LZTFL1: variants seen among roughly 807,000 people sequenced by gnomAD.
LZTFL1 encodes the protein leucine zipper transcription factor-like protein 1.
A neutral mutation model predicts 45.9 loss-of-function variants in LZTFL1; 25 were observed. The ratio of observed to expected loss-of-function variants is 0.54; its 90% CI spans 0.40 to 0.76. The LOEUF (loss-of-function observed/expected upper bound fraction) is 0.76. Among genes scored for constraint, LZTFL1 ranks in the 30% least tolerant of loss-of-function variants. The probability of loss-of-function intolerance (pLI) is 0.00; values close to 1 mark genes in which losing one functional copy is unlikely to be tolerated. For missense variants in LZTFL1, 277 were observed against 331.1 expected, an observed-to-expected ratio of 0.84 and a Z score of 1.27; for synonymous variants, 93 against 117.4, an observed-to-expected ratio of 0.79 and a Z score of 1.35.
intron 2 of LZTFL1, chr3:45,902,008 G>A (rs1702576498): frequency 1.1e-6 from 1 of 911,176 alleles, no homozygotes; most frequent in African/African-American, 1.7e-5. Context: ...ACTCAGAAAG[G>A]GATGAATCTG....
intron 3 of LZTFL1, among the ~76,000 whole-genome samples, chr3:45,857,364 G>A (rs1701409853): frequency 6.6e-6 from 1 of 152,174 alleles, no homozygotes; most frequent in African/African-American, 2.4e-5. Context: ...ACTGGGGCCT[G>A]TCGGTGGTGA....
chr3:45,872,350 G>A lies in LZTFL1; in HGVS notation c.-214-13334C>T, dbSNP rs183506913. 9.3e-4 allele frequency among the ~76,000 whole-genome samples: 141 copies of A among 152,262 alleles called. 1 individual carries two copies. Among genetic ancestry groups the A allele is most frequent in the African/African-American group, 3.3e-3 (138 of 41,558 alleles). On this transcript the variant is annotated intron_variant, in intron 2 of 4. Coordinates refer to the LZTFL1 transcript ENST00000472635. ...CCATTTAAGCTTTTGTTTAAATAGT[G>A]TTTTAAAAGATTGGCAAGGGAGAGG...
chr3:45,840,521 T>C (rs1336731378), intron 1 of LZTFL1, among the ~76,000 whole-genome samples: 1 of 152,168 alleles, frequency 6.6e-6, no homozygotes, highest in Non-Finnish European at 1.5e-5. Flanking sequence ...AAATGAGAGG[T>C]AGATATGATG....
chr3:45,887,213 G>A (rs1408955108), intron 2 of LZTFL1, among the ~76,000 whole-genome samples: 2 of 151,932 alleles, frequency 1.3e-5, no homozygotes, highest in Non-Finnish European at 2.9e-5. Context: ...AAGATTATAT[G>A]TGTAGTCTGA....
chr3:45,828,736 G>T, intron 7 of LZTFL1, 121 bp from the exon 8 acceptor site: 1 of 842,332 alleles, frequency 1.2e-6, no homozygotes, highest in Non-Finnish European at 1.8e-6. Flanking sequence ...GTGCATGCCA[G>T]CCTCCCTTGC....
intron 3 of LZTFL1, among the ~76,000 whole-genome samples, chr3:45,856,172 T>C (rs1427280974): frequency 6.6e-6 from 1 of 152,242 alleles, no homozygotes; most frequent in Non-Finnish European, 1.5e-5. Context: ...AGCATGGTAC[T>C]GGTACAAAAC....
At chr3:45,885,598 T>C (rs1175045426) in intron 2 of LZTFL1, among the ~76,000 whole-genome samples, 2 of 152,206 alleles carry the variant, frequency 1.3e-5, no homozygotes, top group African/African-American at 4.8e-5. Context: ...TGCCTTTCAA[T>C]AGCACTGTTG....
intron 2 of LZTFL1, among the ~76,000 whole-genome samples, chr3:45,871,630 C>A (rs533803176): frequency 6.6e-6 from 1 of 151,938 alleles, no homozygotes; most frequent in African/African-American, 2.4e-5. Context: ...AAAGCAATGG[C>A]TTGCATAGAA....
At chr3:45,827,321 G>A (rs144436112) in intron 9 of LZTFL1, 35 bp downstream of exon 9, 2 of 1,432,824 alleles carry the variant, frequency 1.4e-6, no homozygotes, top group Admixed American at 1.7e-5. Flanking sequence ...TCAATCCAGA[G>A]AGAGAAATCC....
intron 2 of LZTFL1, chr3:45,913,024 C>T: frequency 8.2e-7 from 1 of 1,223,066 alleles, no homozygotes; most frequent in Non-Finnish European, 1.1e-6. Context: ...AATCTAAATT[C>T]AAGTAAAATG....
chr3:45,824,953 T>C lies in LZTFL1; in HGVS notation c.*1361A>G, dbSNP rs1270350264. 1 of 398,222 alleles carries C rather than the reference T, an allele frequency of 2.5e-6. No individual in the cohort carries two copies. Among genetic ancestry groups the C allele is most frequent in the African/African-American group, 2.1e-5 (1 of 48,620 alleles). 24.7% of individuals were successfully genotyped at this position (398,222 alleles called of 1,614,324 possible). ...TTTATTCTCTCCCTTCTCTCATCCA[T>C]TCATCTTCTTAAGACTGCCTTCTGT... On this transcript the variant is annotated 3_prime_UTR_variant, in exon 10 of 10. Transcript: ENST00000296135.
intron 2 of LZTFL1, chr3:45,897,461 C>T: frequency 1.3e-6 from 1 of 757,388 alleles, no homozygotes; most frequent in Admixed American, 2.0e-5. Context: ...GGGATTCAGT[C>T]TTGGGAGTGT....
At chr3:45,827,506 A>G in intron 8 of LZTFL1, 47 bp from the exon 9 acceptor site, 1 of 1,155,042 alleles carries the variant, frequency 8.7e-7, no homozygotes, top group Non-Finnish European at 1.3e-6. Flanking sequence ...ATAGTTAAGG[A>G]AAGAGATAAC....
intron 2 of LZTFL1, 93 bp downstream of exon 2, chr3:45,837,834 G>A (rs1209863383): frequency 3.7e-6 from 5 of 1,354,252 alleles, no homozygotes; most frequent in East Asian, 4.9e-5. Context: ...ATGAATCCCA[G>A]AAATTGTCTG....
chr3:45,890,688 G>A (rs1036596835), intron 2 of LZTFL1, among the ~76,000 whole-genome samples: 1 of 151,940 alleles, frequency 6.6e-6, no homozygotes, highest in Non-Finnish European at 1.5e-5. Context: ...TTGGTTCTTC[G>A]GCTTAGGAGG....
chr3:45,842,983 C>T (rs1701156816), upstream of LZTFL1, among the ~76,000 whole-genome samples: 1 of 152,204 alleles, frequency 6.6e-6, no homozygotes, highest in Non-Finnish European at 1.5e-5. Context: ...AGGCATTTGC[C>T]CACAGAAGGA....
At chr3:45,867,567 G>C (rs1415200420) in intron 2 of LZTFL1, among the ~76,000 whole-genome samples, 1 of 152,182 alleles carries the variant, frequency 6.6e-6, no homozygotes, top group Non-Finnish European at 1.5e-5. Context: ...TCTTAGGCTG[G>C]GCACCGTGGC....
rs746310129 is a variant in LZTFL1, at chr3:45,900,863, G to T, written c.-215+12257C>A. 6.2e-7 allele frequency: 1 copy of T among 1,614,056 alleles called. No homozygotes were observed. The highest frequency in any genetic ancestry group is 1.1e-5 in the South Asian group (1 of 91,076). On this transcript the variant is annotated intron_variant, in intron 2 of 4. Transcript: ENST00000472635. The surrounding 1 kb of genome is among the most constrained non-coding windows in gnomAD (Gnocchi z 4.7). ...ATGGCTCTGAATCCACATCTTCCAT[G>T]GAAGACTACGTTAACTTCAACTTCA...
chr3:45,890,845 G>A (rs905560802), intron 2 of LZTFL1, among the ~76,000 whole-genome samples: 6 of 152,208 alleles, frequency 3.9e-5, no homozygotes, highest in African/African-American at 1.2e-4. Context: ...AGCCCCTGTC[G>A]GAATGCCAGG....
Sources: gnomAD v4.1 joint callset for allele counts (sites outside exome capture counted in the v4.1 genomes callset) on GRCh38, gnomAD v4.1.1 for gene constraint, Gnocchi (gnomAD v3.1) non-coding constraint, MANE v1.5 for transcripts, NCBI Gene and HGNC (gene_info 2026-07-23, HGNC 2026-07-21) for gene names.